ADGRL2: variants seen among roughly 807,000 people sequenced by gnomAD.
ADGRL2 encodes calcium-independent alpha-latrotoxin receptor 2.
Under a neutral mutation model 157.4 loss-of-function variants are expected in ADGRL2, and 44 were observed. The ratio of observed to expected loss-of-function variants is 0.28; its 90% CI spans 0.22 to 0.36. The LOEUF is 0.36. ADGRL2 is among the 10% of genes least tolerant of loss of function. The probability of loss-of-function intolerance (pLI) is 1.00; values close to 1 mark genes in which losing one functional copy is unlikely to be tolerated. For synonymous variants in ADGRL2, 585 were observed against 624.7 expected (o/e 0.94, Z 0.95); for missense variants, 1,510 against 1,768.9 (o/e 0.85, Z 2.63).
chr1:81,722,300 A>AG, intron 1 of ADGRL2: 1 of 565,150 alleles, frequency 1.8e-6, no homozygotes, highest in East Asian at 3.3e-5. Flanking sequence ...CTAAAAAAAA[A>AG]AGAAAATGCA....
intron 3 of ADGRL2, among the ~76,000 whole-genome samples, chr1:81,693,003 T>A (rs578222163): frequency 6.6e-6 from 1 of 152,200 alleles, no homozygotes; most frequent in Non-Finnish European, 1.5e-5. Context: ...ACCCCTGGTG[T>A]AAAAGGATTT....
chr1:81,327,274 G>T (rs1411889952), intron 1 of ADGRL2, among the ~76,000 whole-genome samples: 1 of 152,164 alleles, frequency 6.6e-6, no homozygotes, highest in Non-Finnish European at 1.5e-5. Flanking sequence ...ATGTGCTATT[G>T]AGAGAAATCA....
At chr1:81,894,707 G>T (rs2094343717) in intron 2 of ADGRL2, among the ~76,000 whole-genome samples, 1 of 150,132 alleles carries the variant, frequency 6.7e-6, no homozygotes, top group Admixed American at 6.7e-5. Flanking sequence ...TTTGAGATGA[G>T]AAATTATTTC....
intron 23 of ADGRL2, 188 bp from the exon 24 acceptor site, chr1:81,990,203 T>A (rs1664311574): frequency 1.0e-6 from 1 of 985,248 alleles, no homozygotes; most frequent in African/African-American, 1.7e-5. Context: ...TTTTAACACT[T>A]TTTCCTGTTA....
At chr1:81,828,635 T>C (rs2091695770) in intron 1 of ADGRL2, among the ~76,000 whole-genome samples, 1 of 152,126 alleles carries the variant, frequency 6.6e-6, no homozygotes, top group Non-Finnish European at 1.5e-5. Context: ...TGTCACTGCT[T>C]TATTACTACT....
intron 3 of ADGRL2, among the ~76,000 whole-genome samples, chr1:81,929,779 A>C (rs531616315): frequency 6.6e-6 from 1 of 152,122 alleles, no homozygotes; most frequent in African/African-American, 2.4e-5. Flanking sequence ...AAGATTTGCA[A>C]ATCTGTTCAT....
At position 81,883,807 on chromosome 1, in the gene ADGRL2, T is replaced by C. The variant is rs888832137; in HGVS notation, c.74-23210T>C. Among the ~76,000 whole-genome samples the C allele has an allele frequency of 5.3e-5, 8 of 152,258 alleles. No homozygotes were observed. In the East Asian group the frequency reaches 1.5e-3, roughly 29 times the overall value. ...TAGCACTCTATCTGGATTTTTGTAATTATTACTGTCTTCCTTTATCAGTTT... is the reference window on the plus strand; with the variant it reads ...TAGCACTCTATCTGGATTTTTGTAACTATTACTGTCTTCCTTTATCAGTTT... On this transcript the variant is annotated intron_variant, in intron 2 of 23. Coordinates refer to ENST00000686636, the MANE Select transcript of ADGRL2 (RefSeq NM_001366006.2).
At chr1:81,308,425 G>T (rs1041065687) in intron 1 of ADGRL2, among the ~76,000 whole-genome samples, 1 of 152,120 alleles carries the variant, frequency 6.6e-6, no homozygotes, top group Admixed American at 6.6e-5. Context: ...CTTAACAGAT[G>T]GAAAGGTGCG....
At chr1:81,815,081 A>G (rs1290570747) in intron 1 of ADGRL2, among the ~76,000 whole-genome samples, 1 of 151,390 alleles carries the variant, frequency 6.6e-6, no homozygotes, top group East Asian at 1.9e-4. Context: ...TGCTAAAACT[A>G]TTTTTTTTGA....
At chr1:81,878,163 T>A (rs943257926) in intron 2 of ADGRL2, among the ~76,000 whole-genome samples, 6 of 152,096 alleles carry the variant, frequency 3.9e-5, no homozygotes, top group Admixed American at 2.0e-4. Flanking sequence ...AGTATGCAAA[T>A]CTCTTACATT....
rs1005790936 is a variant in ADGRL2, at chr1:81,991,632, T to C, written c.*487T>C. 2.0e-5 allele frequency: 3 copies of C among 153,678 alleles called. No individual in the cohort carries two copies. Among genetic ancestry groups the C allele is most frequent in the African/African-American group, 7.2e-5 (3 of 41,450 alleles). The allele number at this position is 153,678 out of a possible 1,614,324, so 9.5% of individuals were successfully genotyped here. ...GAGATATTCTGCATCAGTTTGCAGT[T>C]CACTGCAAATCTTTTACATTAAGGC... On this transcript the variant is annotated 3_prime_UTR_variant, in exon 24 of 24. Coordinates refer to ENST00000686636, the MANE Select transcript of ADGRL2 (RefSeq NM_001366006.2).
intron 2 of ADGRL2, among the ~76,000 whole-genome samples, chr1:81,779,522 T>C (rs1176672716): frequency 1.3e-5 from 2 of 152,238 alleles, no homozygotes; most frequent in Admixed American, 6.5e-5. Flanking sequence ...TCACAAGCCA[T>C]AGCTCATTCT....
intron 1 of ADGRL2, among the ~76,000 whole-genome samples, chr1:81,416,760 C>A (rs558517711): frequency 1.3e-5 from 2 of 152,286 alleles, no homozygotes; most frequent in Admixed American, 1.3e-4. Context: ...TTCCCTAATA[C>A]TACGGGTTTA....
intron 2 of ADGRL2, among the ~76,000 whole-genome samples, chr1:81,896,520 A>C (rs1300750911): frequency 6.6e-6 from 1 of 152,094 alleles, no homozygotes; most frequent in East Asian, 1.9e-4. Flanking sequence ...ATTTTTGAAA[A>C]AACATTTTCT....
chr1:81,346,212 C>T (rs1321418873), intron 1 of ADGRL2, among the ~76,000 whole-genome samples: 2 of 151,996 alleles, frequency 1.3e-5, no homozygotes, highest in East Asian at 1.9e-4. Flanking sequence ...TAAAGGCTTG[C>T]AAAATATTTG....
At chr1:81,559,824 C>A (rs191295310) in intron 2 of ADGRL2, among the ~76,000 whole-genome samples, 1 of 152,106 alleles carries the variant, frequency 6.6e-6, no homozygotes, top group Non-Finnish European at 1.5e-5. Flanking sequence ...GTACCTCACA[C>A]GGCCACCACA....
intron 2 of ADGRL2, among the ~76,000 whole-genome samples, chr1:81,543,879 C>G (rs888587149): frequency 1.3e-5 from 2 of 152,176 alleles, no homozygotes; most frequent in Non-Finnish European, 1.5e-5. Flanking sequence ...CTTCATACGT[C>G]TGTTGAAAGT....
chr1:81,985,095 A>G (rs976358021), intron 20 of ADGRL2, among the ~76,000 whole-genome samples, 164 bp from the exon 21 acceptor site: 2 of 152,090 alleles, frequency 1.3e-5, no homozygotes, highest in Non-Finnish European at 2.9e-5. Flanking sequence ...TTAGTAAATA[A>G]ACAATAGATA....
At chr1:81,374,442 G>A (rs989737850) in intron 1 of ADGRL2, among the ~76,000 whole-genome samples, 1 of 151,966 alleles carries the variant, frequency 6.6e-6, no homozygotes, top group African/African-American at 2.4e-5. Context: ...CGTGGTGGCG[G>A]GCACCTGTAA....
Sources: gnomAD v4.1 joint callset for allele counts (sites outside exome capture counted in the v4.1 genomes callset) on GRCh38, gnomAD v4.1.1 for gene constraint, MANE v1.5 for transcripts, NCBI Gene and HGNC (gene_info 2026-07-23, HGNC 2026-07-21) for gene names.